The following ANKRD18A variants were observed in gnomAD, a reference collection of about 807,000 sequenced individuals.
ANKRD18A encodes ankyrin repeat domain 18A, also known as ankyrin repeat domain-containing protein 18A.
A neutral mutation model predicts 110.6 loss-of-function variants in ANKRD18A; 72 were observed. That is an observed-to-expected ratio of 0.65 (90% CI 0.54 to 0.79). The LOEUF (loss-of-function observed/expected upper bound fraction) is 0.79, where lower values mean the gene tolerates loss of function less well. Ranked by LOEUF, ANKRD18A falls within the 30% of genes least tolerant of loss-of-function variation. The probability of loss-of-function intolerance (pLI) is 0.00; values close to 1 mark genes in which losing one functional copy is unlikely to be tolerated. For synonymous variants in ANKRD18A, 305 were observed against 410.3 expected (o/e 0.74, Z 3.10); for missense variants, 934 against 1,163.3 (o/e 0.80, Z 2.87).
chr9:38,583,137 C>T (rs1335643796), intron 12 of ANKRD18A, among the ~76,000 whole-genome samples: 1 of 152,056 alleles, frequency 6.6e-6, no homozygotes, highest in Admixed American at 6.6e-5. Context: ...ACCACAGGAC[C>T]AAATCTTTGT....
chr9:38,600,606 A>G (rs993268253), intron 8 of ANKRD18A, among the ~76,000 whole-genome samples: 16 of 152,186 alleles, frequency 1.1e-4, no homozygotes, highest in Admixed American at 2.0e-4. Context: ...AATTCTCTCA[A>G]TAGGCAGTTG....
chr9:38,607,392 A>T (rs778066504), intron 6 of ANKRD18A, 34 bp downstream of exon 6: 163 of 1,443,268 alleles, frequency 1.1e-4, no homozygotes, highest in Non-Finnish European at 1.4e-4. Context: ...AAGATCACCA[A>T]GGGAAATGAG....
In ANKRD18A at chr9:38,620,498, C is replaced by A; in HGVS notation, c.-213G>T. On this transcript the variant is annotated 5_prime_UTR_variant, in exon 1 of 16. Transcript: ENST00000399703. ...CAGCCCGGTCCACCACAGCCTTCAG[C>A]AGCGACACTCGCAGACTCCGACCTC... The A allele has an allele frequency of 7.0e-7, 1 of 1,422,320 alleles. No individual in the cohort carries two copies. The allele number at this position is 1,422,320 out of a possible 1,614,324, so 88.1% of individuals were successfully genotyped here.
In ANKRD18A at chr9:38,607,413, T is replaced by A. The variant is rs1456101700; in HGVS notation, c.808+13A>T. On this transcript the variant is annotated intron_variant, in intron 6 of 15. Transcript: ENST00000399703. ...ACCAAGGGAAATGAGAAATTTACTATCAGAAGTCTTACCTTGATTGTCATT... is the reference window on the plus strand; with the variant it reads ...ACCAAGGGAAATGAGAAATTTACTAACAGAAGTCTTACCTTGATTGTCATT... The A allele has an allele frequency of 7.5e-6, 11 of 1,464,374 alleles. No individual in the cohort carries two copies. The South Asian group carries it at 1.5e-4, about 20-fold the overall frequency. 90.7% of individuals were successfully genotyped at this position (1,464,374 alleles called of 1,614,324 possible). A position where few individuals can be genotyped will look rare whatever the true frequency, so the allele number is the denominator to read the frequency against.
chr9:38,606,730 C>A (rs1487720306), intron 6 of ANKRD18A, among the ~76,000 whole-genome samples: 1 of 152,122 alleles, frequency 6.6e-6, no homozygotes, highest in Non-Finnish European at 1.5e-5. Flanking sequence ...TATTTAGTTA[C>A]TAAATGTAAA....
intron 3 of ANKRD18A, among the ~76,000 whole-genome samples, chr9:38,613,739 G>A (rs1163762293): frequency 9.9e-5 from 15 of 152,220 alleles, no homozygotes; most frequent in East Asian, 9.6e-4. Context: ...AACTTAATAG[G>A]CATACTGAGA....
Position 38,575,376 on chromosome 9 carries a change from T to A in ANKRD18A, c.2964+100A>T, listed in dbSNP as rs1022675114. Reference sequence around the variant, plus strand: ...AACACAGCTAATTATAATCTTTACTTAACATGCGTAAGTCAACAGAACTCA... The same window carrying A: ...AACACAGCTAATTATAATCTTTACTAAACATGCGTAAGTCAACAGAACTCA... On this transcript the variant is annotated intron_variant, in intron 15 of 15. Transcript: ENST00000399703. The A allele has an allele frequency of 6.4e-5, 80 of 1,244,712 alleles. No individual in the cohort carries two copies. The African/African-American group carries it at 1.1e-3, about 18-fold the overall frequency. 77.1% of individuals were successfully genotyped at this position (1,244,712 alleles called of 1,614,324 possible). A position where few individuals can be genotyped will look rare whatever the true frequency, so the allele number is the denominator to read the frequency against.
chr9:38,620,054 C>A, intron 1 of ANKRD18A, 26 bp downstream of exon 1: 2 of 1,548,508 alleles, frequency 1.3e-6, no homozygotes, highest in Non-Finnish European at 1.7e-6. Flanking sequence ...GGCCCCCTCC[C>A]ACCGCGGGCT....
intron 10 of ANKRD18A, 101 bp from the exon 11 acceptor site, chr9:38,588,764 G>A (rs926972749): frequency 3.4e-6 from 3 of 885,690 alleles, no homozygotes; most frequent in Non-Finnish European, 4.5e-6. Flanking sequence ...ATGTATTTAG[G>A]CGGTTGTATA....
At chr9:38,569,570 G>C (rs1474792319), downstream of ANKRD18A, 2 of 439,724 alleles carry the variant, frequency 4.5e-6, no homozygotes, top group Admixed American at 1.3e-4. Context: ...ACCACAACAG[G>C]AGCCTGCTTG....
chr9:38,608,539 T>A (rs1376481202), intron 5 of ANKRD18A, among the ~76,000 whole-genome samples: 3 of 147,486 alleles, frequency 2.0e-5, no homozygotes, highest in Non-Finnish European at 4.5e-5. Context: ...TATAATTATA[T>A]AATATATAGA....
At chr9:38,577,378 A>T in intron 13 of ANKRD18A, 114 bp from the exon 14 acceptor site, 1 of 1,021,032 alleles carries the variant, frequency 9.8e-7, no homozygotes, top group South Asian at 1.7e-5. Flanking sequence ...TATGTTGAAA[A>T]GAGGCTGAAG....
intron 10 of ANKRD18A, among the ~76,000 whole-genome samples, chr9:38,593,125 C>T (rs1043815063): frequency 1.3e-5 from 2 of 152,188 alleles, no homozygotes; most frequent in African/African-American, 2.4e-5. Flanking sequence ...TTTTTAAAAT[C>T]CCATGGTAGG....
chr9:38,616,826 T>G (rs557008090), intron 1 of ANKRD18A, among the ~76,000 whole-genome samples: 1 of 152,366 alleles, frequency 6.6e-6, no homozygotes, highest in Admixed American at 6.5e-5. Flanking sequence ...ATTATTGCTA[T>G]TTTGCAGGAT....
At position 38,595,779 on chromosome 9, in the gene ANKRD18A, T is replaced by C. The variant is rs1263951091; in HGVS notation, c.1561A>G (p.Met521Val). 1.3e-6 allele frequency: 2 copies of C among 1,551,322 alleles called. No individual in the cohort carries two copies. Among genetic ancestry groups the C allele is most frequent in the East Asian group, 2.4e-5 (1 of 40,910 alleles). ...TCTCCATTTGGATGCATCTGCTTCATTTCCTTTATTCGATGCTGTGCTTGC... is the reference window on the plus strand; with the variant it reads ...TCTCCATTTGGATGCATCTGCTTCACTTCCTTTATTCGATGCTGTGCTTGC... ...LRQAQHRIKE[M>V]KQMHPNGEAK... The change falls in exon 9 of 16, where the codon ATG (methionine) becomes GTG (valine). Residue 521 changes from methionine to valine, a missense_variant. Transcript: ENST00000399703.
chr9:38,605,908 G>T (rs1412514387), intron 6 of ANKRD18A, among the ~76,000 whole-genome samples: 1 of 152,060 alleles, frequency 6.6e-6, no homozygotes, highest in East Asian at 1.9e-4. Context: ...ACCACGCCCA[G>T]CCTGGTAACA....
rs140255774 is a variant in ANKRD18A at position 38,613,753 on chromosome 9, T to C, written c.495+1841A>G. On this transcript the variant is annotated intron_variant, in intron 3 of 15. Coordinates refer to ENST00000399703, the MANE Select transcript of ANKRD18A (RefSeq NM_147195.4). ...AAACTTAATAGGCATACTGAGATAG[T>C]CCCTAATACAACTGCAACTGAAACA... 9.7e-4 allele frequency among the ~76,000 whole-genome samples: 148 copies of C among 152,314 alleles called. 1 individual carries two copies. Among genetic ancestry groups the C allele is most frequent in the East Asian group, 5.2e-3 (27 of 5,184 alleles).
At chr9:38,617,353 T>TG (rs1825900428) in intron 1 of ANKRD18A, among the ~76,000 whole-genome samples, 1 of 152,054 alleles carries the variant, frequency 6.6e-6, no homozygotes, top group African/African-American at 2.4e-5. Flanking sequence ...GGCAGGATAA[T>TG]CACTTGAACC....
intron 12 of ANKRD18A, among the ~76,000 whole-genome samples, chr9:38,579,523 C>CT (rs890599199): frequency 1.3e-5 from 2 of 152,050 alleles, no homozygotes; most frequent in African/African-American, 4.8e-5. Context: ...GATATTTCTC[C>CT]TTTTTTTAAG....
Sources: gnomAD v4.1 joint callset for allele counts (sites outside exome capture counted in the v4.1 genomes callset) on GRCh38, gnomAD v4.1.1 for gene constraint, MANE v1.5 for transcripts, NCBI Gene and HGNC (gene_info 2026-07-23, HGNC 2026-07-21) for gene names.